CDC6: variants seen among roughly 807,000 people sequenced by gnomAD.
CDC6 encodes the protein DNA replication factor CDC6.
A neutral mutation model predicts 60.2 loss-of-function variants in CDC6; 46 were observed. That is an observed-to-expected ratio of 0.76 (90% CI 0.60 to 0.98). CDC6 has a LOEUF of 0.98. Among genes scored for constraint, CDC6 ranks in the 50% least tolerant of loss-of-function variants. The probability of loss-of-function intolerance (pLI) is 0.00; values close to 1 mark genes in which losing one functional copy is unlikely to be tolerated. For missense variants in CDC6, 596 were observed against 652.9 expected (o/e 0.91, Z 0.95); for synonymous variants, 210 against 233.2 (o/e 0.90, Z 0.90).
chr17:40,294,435 C>T lies in CDC6; in HGVS notation c.1015C>T (p.Gln339Ter), dbSNP rs1157491478. ...RLQAREKCKP[Q>*]LLNFPPYTRN... ...TCAAGCTAGAGAAAAATGTAAGCCA[C>T]AGCTGTTGAACTTCCCACCTTATAC... The change falls in exon 7 of 12, where the codon CAG (glutamine) becomes TAG (stop). Residue 339 changes from glutamine (Q) to a stop codon, truncating the protein, a stop_gained. Transcript: ENST00000209728. LOFTEE classifies it high-confidence loss of function. The T allele has an allele frequency of 6.2e-7, 1 of 1,612,672 alleles. No individual in the cohort carries two copies. Among genetic ancestry groups the T allele is most frequent in the Non-Finnish European group, 8.5e-7 (1 of 1,178,674 alleles).
intron 2 of CDC6, among the ~76,000 whole-genome samples, chr17:40,290,322 G>T (rs2032734961): frequency 6.6e-6 from 1 of 152,142 alleles, no homozygotes; most frequent in Non-Finnish European, 1.5e-5. Flanking sequence ...ATTTTTAAAT[G>T]GGGGGTAATT....
At position 40,299,138 on chromosome 17, in the gene CDC6, C is replaced by CTTTTTTTTTTTTTTTTTTTTTTTTTTTT. The variant is rs67162965; in HGVS notation, c.1250-1689_1250-1662dup. On this transcript the variant is annotated intron_variant, in intron 9 of 11. Transcript: ENST00000209728. ...CATCTCCAAACGATAAGGCCATAGT[C>CTTTTTTTTTTTTTTTTTTTTTTTTTTTT]TTTTTTTTTTTTTTTTTTTTTTTTT... Among the ~76,000 whole-genome samples the CTTTTTTTTTTTTTTTTTTTTTTTTTTTT allele has an allele frequency of 1.5e-4, 9 of 60,802 alleles. 3 individuals carry two copies. Among genetic ancestry groups the CTTTTTTTTTTTTTTTTTTTTTTTTTTTT allele is most frequent in the East Asian group, 5.4e-4 (1 of 1,864 alleles). The allele number at this position is 60,802 out of a possible 152,430, so 39.9% of individuals were successfully genotyped here.
At chr17:40,294,147 A>C (rs560658996) in intron 6 of CDC6, 91 bp downstream of exon 6, 1 of 1,119,996 alleles carries the variant, frequency 8.9e-7, no homozygotes, top group African/African-American at 1.5e-5. Flanking sequence ...TTTATCTTAA[A>C]CCAGCTTTCT....
At chr17:40,301,684 TAAAC>T in intron 11 of CDC6, 76 bp downstream of exon 11, 2 of 1,489,922 alleles carry the variant, frequency 1.3e-6, no homozygotes, top group Non-Finnish European at 1.9e-6. Context: ...GGTTTATTGT[TAAAC>T]AAGATGACCA....
intron 11 of CDC6, 74 bp downstream of exon 11, chr17:40,301,682 G>A (rs2032942776): frequency 3.3e-6 from 5 of 1,509,900 alleles, no homozygotes; most frequent in Non-Finnish European, 3.7e-6. Flanking sequence ...AAGGTTTATT[G>A]TTAAACAAGA....
At chr17:40,299,689 A>T (rs2032910604) in intron 9 of CDC6, among the ~76,000 whole-genome samples, 2 of 151,836 alleles carry the variant, frequency 1.3e-5, no homozygotes. Context: ...CTTTGAGCTA[A>T]GGAGTTCAAG....
intron 7 of CDC6, 50 bp from the exon 8 acceptor site, chr17:40,295,306 G>A (rs1314953511): frequency 1.7e-6 from 2 of 1,194,744 alleles, no homozygotes; most frequent in Non-Finnish European, 2.5e-6. Context: ...CTAAATTACA[G>A]AGGGAGAATC....
chr17:40,291,174 G>C lies in CDC6; in HGVS notation c.295G>C (p.Asp99His). Residue 99 changes from aspartate to histidine, a missense_variant, in exon 3 of 12, where the codon GAC becomes CAC. Asp to His is a moderately conservative substitution (Grantham distance 81). Coordinates refer to ENST00000209728, the MANE Select transcript of CDC6 (RefSeq NM_001254.4). Reference protein sequence around the residue: ...HTLKGRRLVFDNQLTIKSPSK... With the variant: ...HTLKGRRLVFHNQLTIKSPSK... ...ACTTAAGGGACGAAGATTGGTATTT[G>C]ACAATCAGCTGACAATTAAGTCTCC... is the stretch of plus-strand genomic sequence containing the variant. The C allele has an allele frequency of 1.2e-6, 2 of 1,614,154 alleles. No individual in the cohort carries two copies. The highest frequency in any genetic ancestry group is 1.7e-6 in the Non-Finnish European group (2 of 1,180,014).
At position 40,302,226 on chromosome 17, in the gene CDC6, T is replaced by A; in HGVS notation, c.*225T>A. 1.8e-6 allele frequency: 1 copy of A among 543,660 alleles called. No homozygotes were observed. The highest frequency in any genetic ancestry group is 3.3e-6 in the Non-Finnish European group (1 of 304,110). 33.7% of individuals were successfully genotyped at this position (543,660 alleles called of 1,614,324 possible). On this transcript the variant is annotated 3_prime_UTR_variant, in exon 12 of 12. Transcript: ENST00000209728. ...ACCAGGTAGACCCTTTTTAATTACA[T>A]TCACTACTTCTACCACTTGTGTATC...
chr17:40,289,482 G>A lies in CDC6; in HGVS notation c.62G>A (p.Arg21Gln), dbSNP rs193089010. ...TISFPKRKLS[R>Q]ALNKAKNSSD... is the part of the protein sequence containing the mutation. ...AGTTTTCCAAAAAGGAAGCTGTCTC[G>A]GGCATTGAACAAAGCTAAAAACTCC... Residue 21 changes from arginine to glutamine, a missense_variant, in exon 2 of 12, where the codon CGG (arginine) becomes CAG (glutamine). Arg to Gln is a conservative substitution (Grantham distance 43). Coordinates refer to ENST00000209728, the MANE Select transcript of CDC6 (RefSeq NM_001254.4). 33 of 1,613,792 alleles carry A rather than the reference G, an allele frequency of 2.0e-5. No individual in the cohort carries two copies. Among genetic ancestry groups the A allele is most frequent in the Admixed American group, 1.7e-4 (10 of 59,976 alleles).
chr17:40,294,720 C>T (rs2032833007), intron 7 of CDC6, among the ~76,000 whole-genome samples: 2 of 150,874 alleles, frequency 1.3e-5, no homozygotes, highest in African/African-American at 4.9e-5. Flanking sequence ...GAGGAATCAC[C>T]CAAGCGCTTT....
In CDC6 at chr17:40,294,727, CT is replaced by C. The variant is rs576545159; in HGVS notation, c.1083+240del. On this transcript the variant is annotated intron_variant, in intron 7 of 11. Transcript: ENST00000209728. ...AGGAGTTAGAGGAATCACCCAAGCG[CT>C]TTTTTTTTTTTTTTTAGATGAGTTT... Among the ~76,000 whole-genome samples, 852 of 133,592 alleles carry C rather than the reference CT, an allele frequency of 6.4e-3. 2 individuals carry two copies. The highest frequency in any genetic ancestry group is 0.019 in the Middle Eastern group (5 of 268). The allele number at this position is 133,592 out of a possible 152,430, so 87.6% of individuals were successfully genotyped here.
chr17:40,289,860 C>G (rs1176902408), intron 2 of CDC6, among the ~76,000 whole-genome samples: 2 of 151,022 alleles, frequency 1.3e-5, no homozygotes, highest in South Asian at 2.1e-4. Context: ...AGGCGCCCAC[C>G]ACCAAGCCTG....
chr17:40,295,511 G>A (rs1288192571), intron 8 of CDC6, 55 bp downstream of exon 8: 4 of 1,139,028 alleles, frequency 3.5e-6, no homozygotes, highest in Non-Finnish European at 4.0e-6. Context: ...AAGAAATGCT[G>A]TTAATTGTCT....
chr17:40,294,634 G>A, intron 7 of CDC6, 131 bp downstream of exon 7: 2 of 778,988 alleles, frequency 2.6e-6, no homozygotes, highest in Non-Finnish European at 4.4e-6. Context: ...ATGGACCATA[G>A]TGAGAACATT....
chr17:40,301,395 G>C (rs957995096), intron 10 of CDC6, 73 bp from the exon 11 acceptor site: 2 of 1,493,290 alleles, frequency 1.3e-6, no homozygotes, highest in Middle Eastern at 3.4e-4. Flanking sequence ...CCAGACTCAG[G>C]TTTCTTAAAT....
Position 40,304,318 on chromosome 17 carries a change from TAA to T in CDC6, c.*2319_*2320del. On this transcript the variant is annotated 3_prime_UTR_variant, in exon 12 of 12. Transcript: ENST00000209728. ...GCAAAAGCTGATATATGTTTGTCAGTAAAGTCTTAAGTGTAATTCAGACTGCT... is the reference window on the plus strand; with the variant it reads ...GCAAAAGCTGATATATGTTTGTCAGTAGTCTTAAGTGTAATTCAGACTGCT... 6.6e-6 allele frequency: 1 copy of T among 152,328 alleles called. No individual in the cohort carries two copies. The highest frequency in any genetic ancestry group is 3.4e-3 in the Middle Eastern group (1 of 294). 9.4% of individuals were successfully genotyped at this position (152,328 alleles called of 1,614,324 possible). A position where few individuals can be genotyped will look rare whatever the true frequency, so the allele number is the denominator to read the frequency against.
rs1187247179 is a variant in CDC6 at position 40,294,518 on chromosome 17, T to C, written c.1083+15T>C. 1 of 1,613,128 alleles carries C rather than the reference T, an allele frequency of 6.2e-7. No homozygotes were observed. The highest frequency in any genetic ancestry group is 8.5e-7 in the Non-Finnish European group (1 of 1,179,226). On this transcript the variant is annotated intron_variant, in intron 7 of 11. Transcript: ENST00000209728. ...GACTTAATCAGGTCAGTGCCAACTATTTTGCCAAATTATGTGTTCCTTGGA... is the reference window on the plus strand; with the variant it reads ...GACTTAATCAGGTCAGTGCCAACTACTTTGCCAAATTATGTGTTCCTTGGA...
intron 9 of CDC6, among the ~76,000 whole-genome samples, chr17:40,297,408 C>T (rs1317517634): frequency 6.6e-6 from 1 of 152,082 alleles, no homozygotes; most frequent in African/African-American, 2.4e-5. Flanking sequence ...TGTTCTCACT[C>T]ATAAGTGGGA....
Sources: allele counts gnomAD v4.1 joint callset (sites outside exome capture counted in the v4.1 genomes callset), GRCh38; gene constraint gnomAD v4.1.1; transcripts MANE v1.5; gene names NCBI Gene and HGNC (gene_info 2026-07-23, HGNC 2026-07-21).